The following PMEL variants were observed in gnomAD, a reference collection of about 807,000 sequenced individuals.
PMEL encodes premelanosome protein.
In PMEL, 53 loss-of-function variants were observed where a neutral mutation model predicts 64.9. The observed-to-expected ratio is 0.82, with a 90% confidence interval of 0.66 to 1.03. The LOEUF (loss-of-function observed/expected upper bound fraction) is 1.03, where lower values mean the gene tolerates loss of function less well. PMEL is among the 50% of genes least tolerant of loss of function. The pLI, the probability that PMEL is intolerant of heterozygous loss-of-function variation, is 0.00. For synonymous variants in PMEL, 299 were observed against 316.2 expected (o/e 0.95, Z 0.58); for missense variants, 716 against 814.9 (o/e 0.88, Z 1.48).
In PMEL at chr12:55,955,872, T is replaced by C. The variant is rs1179999237; in HGVS notation, c.1472-9A>G. On this transcript the variant is annotated splice_polypyrimidine_tract_variant and intron_variant, in intron 7 of 10. Coordinates refer to ENST00000548747, the MANE Select transcript of PMEL (RefSeq NM_001384361.1). The stretch of plus-strand genomic sequence containing the variant: ...GGCACTTTCAATACCCTCTGCAGAG[T>C]TGCAAGCTTATCAAATTAGGATTCC... 1.2e-6 allele frequency: 2 copies of C among 1,612,222 alleles called. No homozygotes were observed. Among genetic ancestry groups the C allele is most frequent in the Admixed American group, 1.7e-5 (1 of 60,000 alleles).
intron 3 of PMEL, among the ~76,000 whole-genome samples, chr12:55,959,046 C>G (rs1047378232): frequency 2.0e-5 from 3 of 148,364 alleles, no homozygotes; most frequent in African/African-American, 7.4e-5. Flanking sequence ...TCCCGAAGTG[C>G]TGGGTTTACA....
At chr12:55,966,695 G>A, upstream of PMEL, 1 of 1,103,212 alleles carries the variant, frequency 9.1e-7, no homozygotes, top group Non-Finnish European at 1.1e-6. Context: ...GGGATCATTT[G>A]CGGGGAGGAG....
chr12:55,961,862 G>A (rs1437080366), intron 1 of PMEL, 130 bp from the exon 2 acceptor site: 1 of 609,922 alleles, frequency 1.6e-6, no homozygotes, highest in African/African-American at 2.0e-5. Context: ...TTGAGATGGA[G>A]TTTCGCTCTT....
At chr12:55,965,903 C>A in intron 1 of PMEL, 33 bp downstream of exon 1, 1 of 1,613,732 alleles carries the variant, frequency 6.2e-7, no homozygotes, top group South Asian at 1.1e-5. Flanking sequence ...TCCCCAAGTT[C>A]ACACCTGCTC....
chr12:55,965,882 G>C lies in PMEL; in HGVS notation c.76+54C>G. The C allele has an allele frequency of 8.1e-6, 13 of 1,597,950 alleles. No homozygotes were observed. In the South Asian group the frequency reaches 1.4e-4, roughly 18 times the overall value. ...CATTAGGAGGACAGAAACCAGAGCAGGGGGAATTCATCCCCAAGTTCACAC... is the reference window on the plus strand; with the variant it reads ...CATTAGGAGGACAGAAACCAGAGCACGGGGAATTCATCCCCAAGTTCACAC... On this transcript the variant is annotated intron_variant, in intron 1 of 10. Coordinates refer to ENST00000548747, the MANE Select transcript of PMEL (RefSeq NM_001384361.1).
At chr12:55,959,641 C>T (rs921968182) in intron 3 of PMEL, among the ~76,000 whole-genome samples, 7 of 151,942 alleles carry the variant, frequency 4.6e-5, no homozygotes, top group Non-Finnish European at 1.0e-4. Context: ...CCTGTCTCTA[C>T]TAAAAATACA....
At chr12:55,956,274 G>T in intron 6 of PMEL, 55 bp from the exon 7 acceptor site, 1 of 1,144,416 alleles carries the variant, frequency 8.7e-7, no homozygotes, top group Non-Finnish European at 1.3e-6. Context: ...TCATCTGGAG[G>T]CAGAGGCCAA....
At chr12:55,961,211 G>GAA (rs571045161) in intron 3 of PMEL, 106 bp downstream of exon 3, 3,756 of 877,862 alleles carry the variant, frequency 4.3e-3, no homozygotes, top group Non-Finnish European at 4.8e-3. Context: ...TCTCAAAAAA[G>GAA]AAAAAAAAAA....
chr12:55,962,234 A>G (rs1889128934), intron 1 of PMEL, among the ~76,000 whole-genome samples: 1 of 151,628 alleles, frequency 6.6e-6, no homozygotes, highest in Non-Finnish European at 1.5e-5. Flanking sequence ...TCATGAGGTC[A>G]AGAGATAGAG....
At chr12:55,962,087 T>G (rs946351604) in intron 1 of PMEL, among the ~76,000 whole-genome samples, 6 of 151,980 alleles carry the variant, frequency 3.9e-5, no homozygotes, top group African/African-American at 1.4e-4. Context: ...CTGCCTGCTT[T>G]GGCCTCCCAA....
chr12:55,963,545 C>T (rs891784428), intron 1 of PMEL, among the ~76,000 whole-genome samples: 1 of 152,156 alleles, frequency 6.6e-6, no homozygotes, highest in Non-Finnish European at 1.5e-5. Flanking sequence ...AATTATCAAA[C>T]TCAGTCCATA....
intron 1 of PMEL, among the ~76,000 whole-genome samples, chr12:55,962,441 T>G (rs1889135768): frequency 1.2e-5 from 1 of 82,102 alleles, no homozygotes; most frequent in Non-Finnish European, 2.1e-5. Context: ...AGAGTAAGAC[T>G]CCATCTCAAA....
Position 55,957,037 on chromosome 12 carries a change from C to T in PMEL, c.1266G>A (p.Glu422=), listed in dbSNP as rs1035571150. The T allele has an allele frequency of 2.5e-6, 4 of 1,614,254 alleles. No homozygotes were observed. Among genetic ancestry groups the T allele is most frequent in the Non-Finnish European group, 3.4e-6 (4 of 1,180,042 alleles). ...GCTCTCTAGCTGTGGTCTCCACCCA[C>T]TCTGTAGTTGTTACCTGTGCAGCTG... ...GTTAAQVTTT[E]WVETTARELP... The change falls in exon 6 of 11, where the codon GAG becomes GAA. Residue 422 remains glutamate (E), a synonymous_variant. Coordinates refer to ENST00000548747, the MANE Select transcript of PMEL (RefSeq NM_001384361.1).
chr12:55,958,722 G>A lies in PMEL; in HGVS notation c.335-115C>T, dbSNP rs1445844274. Reference sequence around the variant, plus strand: ...GGGCTCTGGGAATATTCCCTAGCTAGAAAGTACATTCTCCATGATATAACC... The same window carrying A: ...GGGCTCTGGGAATATTCCCTAGCTAAAAAGTACATTCTCCATGATATAACC... On this transcript the variant is annotated intron_variant, in intron 3 of 10. Coordinates refer to ENST00000548747, the MANE Select transcript of PMEL (RefSeq NM_001384361.1). The A allele has an allele frequency of 1.4e-5, 15 of 1,049,324 alleles. No individual in the cohort carries two copies. In the East Asian group the frequency reaches 2.2e-4, roughly 15 times the overall value. 65.0% of individuals were successfully genotyped at this position (1,049,324 alleles called of 1,614,324 possible).
At chr12:55,960,661 G>A (rs1271574095) in intron 3 of PMEL, among the ~76,000 whole-genome samples, 2 of 143,662 alleles carry the variant, frequency 1.4e-5, no homozygotes, top group African/African-American at 5.2e-5. Context: ...TCCTGTCTCA[G>A]CCTCCCAAGT....
intron 1 of PMEL, among the ~76,000 whole-genome samples, chr12:55,964,545 A>G (rs1013054931): frequency 1.3e-5 from 2 of 152,020 alleles, no homozygotes; most frequent in African/African-American, 4.8e-5. Flanking sequence ...GGCTCAAGCA[A>G]TCCTATGACC....
chr12:55,958,647 T>C, intron 3 of PMEL, 40 bp from the exon 4 acceptor site: 1 of 1,596,672 alleles, frequency 6.3e-7, no homozygotes. Flanking sequence ...ACCCTGGCAT[T>C]CTTTTTTGTA....
chr12:55,955,637 G>C lies in PMEL; in HGVS notation c.1589C>G (p.Ser530Trp), dbSNP rs750057934. The change falls in exon 9 of 11, where the codon TCG becomes TGG. Residue 530 changes from serine to tryptophan, a missense_variant. Coordinates refer to ENST00000548747, the MANE Select transcript of PMEL (RefSeq NM_001384361.1). The stretch of plus-strand genomic sequence containing the variant: ...CTGGGCAGGGGGCTGGCACCCTGGC[G>C]ATGAGATCTCCATGCAGGCTTCCTT... ...LPKEACMEIS[S>W]PGCQPPAQRL... 3 of 1,613,384 alleles carry C rather than the reference G, an allele frequency of 1.9e-6. No homozygotes were observed. The highest frequency in any genetic ancestry group is 1.7e-6 in the Non-Finnish European group (2 of 1,179,612).
chr12:55,955,563 G>A lies in PMEL; in HGVS notation c.1663C>T (p.His555Tyr). 2 of 1,614,094 alleles carry A rather than the reference G, an allele frequency of 1.2e-6. No individual in the cohort carries two copies. The highest frequency in any genetic ancestry group is 1.7e-6 in the Non-Finnish European group (2 of 1,180,012). ...LPSPACQLVL[H>Y]QILKGGSGTY... ...CCCGAGCCACCCTTCAGTATCTGGT[G>A]CAGAACCAGCTGGCAGGCTGGGCTG... is the stretch of plus-strand genomic sequence containing the variant. The change falls in exon 9 of 11, where the codon CAC becomes TAC. Residue 555 changes from histidine to tyrosine, a missense_variant. Transcript: ENST00000548747.
Sources: gnomAD v4.1 joint callset for allele counts (sites outside exome capture counted in the v4.1 genomes callset) on GRCh38, gnomAD v4.1.1 for gene constraint, MANE v1.5 for transcripts, NCBI Gene and HGNC (gene_info 2026-07-23, HGNC 2026-07-21) for gene names.